UXS1: variants seen among roughly 807,000 people sequenced by gnomAD.
The protein encoded by UXS1 is UDP-glucuronic acid decarboxylase 1.
In UXS1, 33 loss-of-function variants were observed where a neutral mutation model predicts 62.6. The ratio of observed to expected loss-of-function variants is 0.53; its 90% CI spans 0.40 to 0.70. The LOEUF (loss-of-function observed/expected upper bound fraction) is 0.70, where lower values mean the gene tolerates loss of function less well. Among genes scored for constraint, UXS1 ranks in the 30% least tolerant of loss-of-function variants. The pLI is 0.00. For missense variants in UXS1, 434 were observed against 556.3 expected (o/e 0.78, Z 2.21); for synonymous variants, 213 against 206.8 (o/e 1.03, Z -0.26).
chr2:106,131,047 G>A (rs1287606668), intron 6 of UXS1, among the ~76,000 whole-genome samples: 3 of 150,528 alleles, frequency 2.0e-5, no homozygotes, highest in African/African-American at 2.4e-5. Flanking sequence ...CAGTGTGTGC[G>A]CGCACCGTGC....
chr2:106,153,238 G>T (rs956208112), intron 5 of UXS1, among the ~76,000 whole-genome samples: 1 of 152,192 alleles, frequency 6.6e-6, no homozygotes, highest in African/African-American at 2.4e-5. Context: ...CTGCCAAGGG[G>T]ATAGAATTTA....
intron 5 of UXS1, 21 bp downstream of exon 5, chr2:106,158,037 T>C (rs2105039941): frequency 2.0e-6 from 3 of 1,538,428 alleles, no homozygotes; most frequent in Non-Finnish European, 2.6e-6. Flanking sequence ...TTACAAATAC[T>C]ATTCAGGTGT....
At chr2:106,183,203 T>C (rs559896713) in intron 1 of UXS1, among the ~76,000 whole-genome samples, 1 of 149,362 alleles carries the variant, frequency 6.7e-6, no homozygotes, top group East Asian at 2.0e-4. Context: ...CAATGTTCTG[T>C]TGCTGATAAA....
At chr2:106,170,352 G>A (rs1304896640) in intron 1 of UXS1, among the ~76,000 whole-genome samples, 2 of 152,180 alleles carry the variant, frequency 1.3e-5, no homozygotes, top group Non-Finnish European at 2.9e-5. Flanking sequence ...GTGTGGCCAA[G>A]GTCTGCTGCA....
chr2:106,142,933 G>GTT (rs1009805811), intron 6 of UXS1, among the ~76,000 whole-genome samples: 3 of 151,734 alleles, frequency 2.0e-5, no homozygotes, highest in Non-Finnish European at 2.9e-5. Flanking sequence ...ATGTGTGTGT[G>GTT]TGTGTGTGTG....
In UXS1 at chr2:106,180,741, GA is replaced by G. The variant is rs572478816; in HGVS notation, c.94+13406del. On this transcript the variant is annotated intron_variant, in intron 1 of 14. Transcript: ENST00000283148. ...TGGGGAGAATAGGGAGAAAGAAATA[GA>G]AAAATTCCAGACCACTTCTGAACTC... is the stretch of plus-strand genomic sequence containing the variant. Among the ~76,000 whole-genome samples the G allele has an allele frequency of 3.7e-3, 562 of 152,238 alleles. 2 individuals carry two copies. The highest frequency in any genetic ancestry group is 6.5e-3 in the Non-Finnish European group (440 of 68,004).
chr2:106,103,542 T>TA (rs964669866), intron 11 of UXS1, among the ~76,000 whole-genome samples: 4 of 152,222 alleles, frequency 2.6e-5, no homozygotes, highest in Non-Finnish European at 4.4e-5. Flanking sequence ...TGTGCCATGA[T>TA]AGTTTCCTCC....
At chr2:106,117,353 G>A (rs1452981764) in intron 9 of UXS1, among the ~76,000 whole-genome samples, 2 of 152,170 alleles carry the variant, frequency 1.3e-5, no homozygotes, top group African/African-American at 4.8e-5. Flanking sequence ...TCTTTATTTA[G>A]AATTTTGGTG....
At chr2:106,180,638 G>A (rs951826884) in intron 1 of UXS1, among the ~76,000 whole-genome samples, 5 of 152,294 alleles carry the variant, frequency 3.3e-5, no homozygotes, top group African/African-American at 7.2e-5. Context: ...CATTTCACTC[G>A]AGGTTCTAGT....
chr2:106,177,704 C>G (rs1418235993), intron 1 of UXS1, among the ~76,000 whole-genome samples: 1 of 152,176 alleles, frequency 6.6e-6, no homozygotes, highest in Non-Finnish European at 1.5e-5. Context: ...GGAATTGGGC[C>G]CTCACCAGAT....
Position 106,187,512 on chromosome 2 carries a change from G to A in UXS1, c.94+6636C>T, listed in dbSNP as rs181838908. Among the ~76,000 whole-genome samples the A allele has an allele frequency of 1.7e-3, 265 of 152,282 alleles. No individual in the cohort carries two copies. In the Middle Eastern group the frequency reaches 0.02, roughly 12 times the overall value. On this transcript the variant is annotated intron_variant, in intron 1 of 14. Coordinates refer to ENST00000283148, the MANE Select transcript of UXS1 (RefSeq NM_001253875.2). ...ATTATATTAAGGGCAAAACTGTACC[G>A]TAACCAAAGTCCCAACCTCAGGGAA...
At chr2:106,120,165 G>A (rs997307873) in intron 9 of UXS1, among the ~76,000 whole-genome samples, 1 of 152,204 alleles carries the variant, frequency 6.6e-6, no homozygotes, top group Non-Finnish European at 1.5e-5. Context: ...TCCTACAAGG[G>A]AGCACAATAT....
At chr2:106,173,355 C>G (rs1683681887) in intron 1 of UXS1, among the ~76,000 whole-genome samples, 1 of 152,082 alleles carries the variant, frequency 6.6e-6, no homozygotes, top group Non-Finnish European at 1.5e-5. Context: ...GAGTTTGAGA[C>G]CAGCATGAGT....
rs149120793 is a variant in UXS1, at chr2:106,119,626, G to A, written c.759+3344C>T. The stretch of plus-strand genomic sequence containing the variant: ...AGAAAGGCACAACATCCTGCAGGCC[G>A]CTGTGCTCAGAACACAGTCATAGTC... On this transcript the variant is annotated intron_variant, in intron 9 of 14. Coordinates refer to ENST00000283148, the MANE Select transcript of UXS1 (RefSeq NM_001253875.2). Among the ~76,000 whole-genome samples, 16 of 152,266 alleles carry A rather than the reference G, an allele frequency of 1.1e-4. No homozygotes were observed. The East Asian group carries it at 2.7e-3, about 26-fold the overall frequency.
intron 5 of UXS1, among the ~76,000 whole-genome samples, chr2:106,152,599 G>T (rs1379430318): frequency 6.6e-6 from 1 of 150,662 alleles, no homozygotes; most frequent in Non-Finnish European, 1.5e-5. Flanking sequence ...GAAAAGAAAA[G>T]AAAAAAGAAG....
chr2:106,186,193 C>T (rs1684536706), intron 1 of UXS1, among the ~76,000 whole-genome samples: 2 of 152,152 alleles, frequency 1.3e-5, no homozygotes, highest in African/African-American at 4.8e-5. Context: ...GATATTCGCA[C>T]AGGTGGCAAG....
At chr2:106,120,480 A>C (rs555393320) in intron 9 of UXS1, among the ~76,000 whole-genome samples, 1 of 152,278 alleles carries the variant, frequency 6.6e-6, no homozygotes, top group Non-Finnish European at 1.5e-5. Context: ...GCCTCCCTCA[A>C]CGTGCCCCCA....
At chr2:106,149,334 G>A (rs1681832204) in intron 5 of UXS1, among the ~76,000 whole-genome samples, 1 of 152,200 alleles carries the variant, frequency 6.6e-6, no homozygotes, top group Non-Finnish European at 1.5e-5. Flanking sequence ...CAGTGCTGCT[G>A]TGCTTTTAAC....
chr2:106,112,805 T>G, intron 9 of UXS1, 40 bp from the exon 10 acceptor site: 1 of 1,598,790 alleles, frequency 6.3e-7, no homozygotes. Context: ...TGCTCCCCTG[T>G]GTGGTCCACG....
Sources: allele counts gnomAD v4.1 joint callset (sites outside exome capture counted in the v4.1 genomes callset), GRCh38; gene constraint gnomAD v4.1.1; transcripts MANE v1.5; gene names NCBI Gene and HGNC (gene_info 2026-07-23, HGNC 2026-07-21).